EPB41L4A: variants seen among roughly 807,000 people sequenced by gnomAD.
EPB41L4A encodes band 4.1-like protein 4A.
In EPB41L4A, 100 loss-of-function variants were observed where a neutral mutation model predicts 108.6. That is an observed-to-expected ratio of 0.92 (90% CI 0.78 to 1.09). EPB41L4A has a LOEUF of 1.09. Among genes scored for constraint, EPB41L4A ranks in the 50% least tolerant of loss-of-function variants. EPB41L4A has a pLI of 0.00. For missense variants in EPB41L4A, 1,030 were observed against 842.7 expected, an observed-to-expected ratio of 1.22 and a Z score of -2.75; for synonymous variants, 319 against 289.0, an observed-to-expected ratio of 1.10 and a Z score of -1.05.
chr5:112,186,446 T>C (rs752346337), intron 17 of EPB41L4A, among the ~76,000 whole-genome samples: 3 of 152,214 alleles, frequency 2.0e-5, no homozygotes, highest in Admixed American at 1.3e-4. Context: ...CCTGCTATAA[T>C]AGTAATAAGG....
rs186469301 is a variant in EPB41L4A, at chr5:112,200,116, C to G, written c.1376+4259G>C. Among the ~76,000 whole-genome samples, 24 of 152,346 alleles carry G rather than the reference C, an allele frequency of 1.6e-4. 1 individual carries two copies. Among genetic ancestry groups the G allele is most frequent in the African/African-American group, 5.8e-4 (24 of 41,578 alleles). On this transcript the variant is annotated intron_variant, in intron 15 of 22. Coordinates refer to ENST00000261486, the MANE Select transcript of EPB41L4A (RefSeq NM_022140.5). ...CATTTCTAACACATTTTTATTCACT[C>G]TCAGAGTCTGATAAACACTGGCCTT...
rs34831455 is a variant in EPB41L4A, at chr5:112,380,792, T to TACACACAC, written c.99+38141_99+38148dup. Among the ~76,000 whole-genome samples, 43 of 141,210 alleles carry TACACACAC rather than the reference T, an allele frequency of 3.0e-4. 1 individual carries two copies. Among genetic ancestry groups the TACACACAC allele is most frequent in the African/African-American group, 9.9e-4 (37 of 37,246 alleles). The allele number at this position is 141,210 out of a possible 152,430, so 92.6% of individuals were successfully genotyped here. A position where few individuals can be genotyped will look rare whatever the true frequency, so the allele number is the denominator to read the frequency against. On this transcript the variant is annotated intron_variant, in intron 1 of 22. Transcript: ENST00000261486. Reference sequence around the variant, plus strand: ...ACCCATCCTCTGCACATCACACACATACACACACACACACACACACACACA... The same window carrying TACACACAC: ...ACCCATCCTCTGCACATCACACACATACACACACACACACACACACACACACACACACA...
At chr5:112,309,694 T>C (rs947180022) in intron 1 of EPB41L4A, among the ~76,000 whole-genome samples, 2 of 152,148 alleles carry the variant, frequency 1.3e-5, no homozygotes, top group Admixed American at 6.6e-5. Context: ...TATGGCACAG[T>C]TGACGTTAAG....
intron 1 of EPB41L4A, among the ~76,000 whole-genome samples, chr5:112,361,491 C>G (rs1218901781): frequency 6.7e-6 from 1 of 148,818 alleles, no homozygotes; most frequent in African/African-American, 2.5e-5. Flanking sequence ...TCCCCCTCTC[C>G]GAGAAACACC....
At chr5:112,168,904 A>G in intron 21 of EPB41L4A, 84 bp from the exon 22 acceptor site, 2 of 1,485,690 alleles carry the variant, frequency 1.3e-6, no homozygotes, top group South Asian at 1.1e-5. Flanking sequence ...CAGTGTAGAT[A>G]TAAAACATTT....
At chr5:112,272,525 GTTACAGCAC>G (rs1434087417) in intron 4 of EPB41L4A, among the ~76,000 whole-genome samples, 1 of 151,496 alleles carries the variant, frequency 6.6e-6, no homozygotes, top group Non-Finnish European at 1.5e-5. Context: ...AAAAGACCGG[GTTACAGCAC>G]TTTGGGAGGC....
At chr5:112,353,727 G>A (rs908393151) in intron 1 of EPB41L4A, among the ~76,000 whole-genome samples, 2 of 152,190 alleles carry the variant, frequency 1.3e-5, no homozygotes, top group African/African-American at 4.8e-5. Context: ...ATAGGCTGTG[G>A]TGGGTGGAGT....
chr5:112,220,570 T>C (rs1011636774), intron 12 of EPB41L4A, among the ~76,000 whole-genome samples: 4 of 152,094 alleles, frequency 2.6e-5, no homozygotes, highest in Admixed American at 2.6e-4. Flanking sequence ...AATCTAGAAA[T>C]TGATTCAATG....
chr5:112,376,536 A>G (rs1561621862), intron 1 of EPB41L4A, among the ~76,000 whole-genome samples: 1 of 152,242 alleles, frequency 6.6e-6, no homozygotes, highest in Non-Finnish European at 1.5e-5. Context: ...TTTGGTATTT[A>G]GCTCAGAGAA....
At chr5:112,346,215 CATTTTTTTTT>C (rs1267560798) in intron 1 of EPB41L4A, among the ~76,000 whole-genome samples, 1 of 49,044 alleles carries the variant, frequency 2.0e-5, no homozygotes, top group African/African-American at 4.5e-5. Flanking sequence ...AGGTACATTG[CATTTTTTTTT>C]TTTTTTTTTT....
intron 1 of EPB41L4A, among the ~76,000 whole-genome samples, chr5:112,390,991 G>C (rs1211428536): frequency 6.6e-6 from 1 of 152,198 alleles, no homozygotes; most frequent in African/African-American, 2.4e-5. Flanking sequence ...CTGACTGTTA[G>C]AAGGAAAAGT....
chr5:112,419,085 G>T lies in EPB41L4A; in HGVS notation c.-46C>A, dbSNP rs2112860504. ...GCCAGGAGAGAAAGCTACCACCGAGGCGCCCAGCCGCCCCCTCCACTCAAG... is the reference window on the plus strand; with the variant it reads ...GCCAGGAGAGAAAGCTACCACCGAGTCGCCCAGCCGCCCCCTCCACTCAAG... On this transcript the variant is annotated 5_prime_UTR_variant, in exon 1 of 23. Transcript: ENST00000261486. 6.3e-6 allele frequency: 9 copies of T among 1,430,950 alleles called. No homozygotes were observed. The highest frequency in any genetic ancestry group is 8.9e-6 in the Non-Finnish European group (9 of 1,016,320). 88.6% of individuals were successfully genotyped at this position (1,430,950 alleles called of 1,614,324 possible).
At chr5:112,401,227 C>T (rs1680025842) in intron 1 of EPB41L4A, among the ~76,000 whole-genome samples, 1 of 152,184 alleles carries the variant, frequency 6.6e-6, no homozygotes, top group Non-Finnish European at 1.5e-5. Flanking sequence ...ACTAGGTAAG[C>T]CACAGACACT....
At chr5:112,336,519 G>C (rs904585880) in intron 1 of EPB41L4A, among the ~76,000 whole-genome samples, 3 of 152,182 alleles carry the variant, frequency 2.0e-5, no homozygotes, top group Non-Finnish European at 2.9e-5. Context: ...ATTATACTGT[G>C]GTGGTCATTA....
At chr5:112,417,301 A>G (rs1277339766) in intron 1 of EPB41L4A, among the ~76,000 whole-genome samples, 2 of 152,242 alleles carry the variant, frequency 1.3e-5, no homozygotes, top group Non-Finnish European at 2.9e-5. Flanking sequence ...CACGCTCTAC[A>G]GCTGATAGGC....
chr5:112,223,982 T>C (rs1748267235), intron 12 of EPB41L4A, among the ~76,000 whole-genome samples: 1 of 152,216 alleles, frequency 6.6e-6, no homozygotes, highest in Admixed American at 6.5e-5. Context: ...GACGGAGTCT[T>C]ACTCTGTCAC....
At chr5:112,395,972 C>G (rs1189438876) in intron 1 of EPB41L4A, among the ~76,000 whole-genome samples, 1 of 152,084 alleles carries the variant, frequency 6.6e-6, no homozygotes, top group African/African-American at 2.4e-5. Context: ...AGCTGGAAAC[C>G]ATCATTCTGA....
At chr5:112,374,127 T>C (rs1759661339) in intron 1 of EPB41L4A, among the ~76,000 whole-genome samples, 1 of 152,196 alleles carries the variant, frequency 6.6e-6, no homozygotes, top group African/African-American at 2.4e-5. Flanking sequence ...ATAAATAGCA[T>C]TCTTCAAATG....
chr5:112,320,738 C>A (rs901476780), intron 1 of EPB41L4A, among the ~76,000 whole-genome samples: 2 of 152,158 alleles, frequency 1.3e-5, no homozygotes, highest in Non-Finnish European at 2.9e-5. Flanking sequence ...CAGTGGCCTA[C>A]GTAGTGATGG....
Sources: allele counts gnomAD v4.1 joint callset (sites outside exome capture counted in the v4.1 genomes callset), GRCh38; gene constraint gnomAD v4.1.1; transcripts MANE v1.5; gene names NCBI Gene and HGNC (gene_info 2026-07-23, HGNC 2026-07-21).